SMARCC1: variants seen among roughly 807,000 people sequenced by gnomAD.
SMARCC1 encodes the protein SWI/SNF complex subunit SMARCC1.
A neutral mutation model predicts 147.4 loss-of-function variants in SMARCC1; 43 were observed. That is an observed-to-expected ratio of 0.29 (90% CI 0.23 to 0.38). The LOEUF is 0.38. Among genes scored for constraint, SMARCC1 ranks in the 10% least tolerant of loss-of-function variants. SMARCC1 has a pLI of 1.00. For missense variants in SMARCC1, 1,119 were observed against 1,381.1 expected (o/e 0.81, Z 3.01); for synonymous variants, 495 against 484.4 (o/e 1.02, Z -0.29).
chr3:47,690,259 T>G (rs750497702), intron 12 of SMARCC1, among the ~76,000 whole-genome samples: 1 of 152,098 alleles, frequency 6.6e-6, no homozygotes, highest in Non-Finnish European at 1.5e-5. Context: ...ACCAACACTT[T>G]TGGTGGCTGG....
intron 23 of SMARCC1, 22 bp downstream of exon 23, chr3:47,635,990 ATAATAATATC>A (rs1446040873): frequency 1.9e-6 from 2 of 1,029,566 alleles, no homozygotes; most frequent in Non-Finnish European, 3.0e-6. Flanking sequence ...ACAGTTTTAC[ATAATAATATC>A]TAAGGAGTTT....
intron 27 of SMARCC1, among the ~76,000 whole-genome samples, chr3:47,588,606 A>C (rs2032117678): frequency 6.6e-6 from 1 of 151,744 alleles, no homozygotes; most frequent in African/African-American, 2.4e-5. Flanking sequence ...TCAGAAGTTA[A>C]TTTTGATTGC....
intron 26 of SMARCC1, among the ~76,000 whole-genome samples, chr3:47,593,442 G>T (rs953136367): frequency 1.3e-5 from 2 of 152,122 alleles, no homozygotes; most frequent in African/African-American, 4.8e-5. Flanking sequence ...AAAGTGCTGG[G>T]ATTACAGGCG....
At chr3:47,738,171 G>T in intron 3 of SMARCC1, 61 bp from the exon 4 acceptor site, 1 of 1,158,484 alleles carries the variant, frequency 8.6e-7, no homozygotes, top group South Asian at 1.5e-5. Flanking sequence ...ATGAAAACTT[G>T]GTTTTAGAAT....
intron 2 of SMARCC1, 60 bp from the exon 3 acceptor site, chr3:47,746,053 C>T (rs1330890908): frequency 1.9e-6 from 2 of 1,055,572 alleles, no homozygotes; most frequent in African/African-American, 3.3e-5. Context: ...TTACTCATGT[C>T]TTAATTCTAA....
At chr3:47,723,092 T>C (rs960951212) in intron 6 of SMARCC1, among the ~76,000 whole-genome samples, 1 of 152,166 alleles carries the variant, frequency 6.6e-6, no homozygotes, top group Non-Finnish European at 1.5e-5. Flanking sequence ...CGGTTACAGC[T>C]ATATACTCAG....
In SMARCC1 at chr3:47,701,418, A is replaced by G; in HGVS notation, c.1041-16T>C. On this transcript the variant is annotated splice_polypyrimidine_tract_variant and intron_variant, in intron 10 of 27. Coordinates refer to ENST00000254480, the MANE Select transcript of SMARCC1 (RefSeq NM_003074.4). ...GCTAGCTTGGCTAAAACATACAAGT[A>G]TATGAAATATAAACAAGACTGATTA... The G allele has an allele frequency of 6.2e-7, 1 of 1,611,784 alleles. No individual in the cohort carries two copies. The highest frequency in any genetic ancestry group is 1.3e-5 in the African/African-American group (1 of 75,018).
chr3:47,680,211 G>C (rs1490348989), intron 15 of SMARCC1: 1 of 431,118 alleles, frequency 2.3e-6, no homozygotes, highest in East Asian at 5.2e-5. Flanking sequence ...AACAGAGTGA[G>C]ACCCTGTCTC....
At chr3:47,624,103 A>G (rs2032774344) in intron 24 of SMARCC1, among the ~76,000 whole-genome samples, 1 of 152,048 alleles carries the variant, frequency 6.6e-6, no homozygotes, top group Admixed American at 6.6e-5. Context: ...CAGCCCGGCC[A>G]ACACAGCAAA....
At chr3:47,698,974 T>C (rs781149385) in intron 11 of SMARCC1, among the ~76,000 whole-genome samples, 1 of 152,112 alleles carries the variant, frequency 6.6e-6, no homozygotes, top group African/African-American at 2.4e-5. Context: ...AACAACTAAA[T>C]ACCTATGTGG....
intron 8 of SMARCC1, among the ~76,000 whole-genome samples, chr3:47,712,641 T>C (rs1247658407): frequency 7.2e-6 from 1 of 139,454 alleles, no homozygotes; most frequent in African/African-American, 2.5e-5. Flanking sequence ...ATCAGAAAAC[T>C]TGGGCAAACA....
At chr3:47,725,715 G>C (rs570424647) in intron 6 of SMARCC1, among the ~76,000 whole-genome samples, 12 of 150,982 alleles carry the variant, frequency 7.9e-5, no homozygotes, top group African/African-American at 2.7e-4. Flanking sequence ...GCATCCCAAA[G>C]TGCTGGGATT....
At chr3:47,728,171 C>T (rs2034323526) in intron 6 of SMARCC1, among the ~76,000 whole-genome samples, 1 of 141,730 alleles carries the variant, frequency 7.1e-6, no homozygotes, top group Admixed American at 7.5e-5. Context: ...ACTGCAACCT[C>T]CATATCCCAG....
Position 47,610,113 on chromosome 3 carries a change from T to C in SMARCC1, c.2996A>G (p.Tyr999Cys), listed in dbSNP as rs1257443647. ...GMMPHQQPPP[Y>C]PLMHHQMPPP... ...TGGCATCTGGTGGTGCATCAGAGGG[T>C]AGGGAGGGGGCTGTTGATGAGGCAT... The change falls in exon 26 of 28, where the codon TAC becomes TGC. Residue 999 changes from tyrosine to cysteine, a missense_variant. Tyr to Cys is a radical substitution (Grantham distance 194). Transcript: ENST00000254480. 6.2e-7 allele frequency: 1 copy of C among 1,612,960 alleles called. No individual in the cohort carries two copies. The highest frequency in any genetic ancestry group is 1.3e-5 in the African/African-American group (1 of 74,906).
intron 7 of SMARCC1, among the ~76,000 whole-genome samples, chr3:47,718,854 A>C (rs1169789165): frequency 6.6e-6 from 1 of 152,114 alleles, no homozygotes; most frequent in Non-Finnish European, 1.5e-5. Context: ...TAGTACAAAC[A>C]ATGTTATCCC....
chr3:47,755,424 G>A lies in SMARCC1; in HGVS notation c.316-9431C>T, dbSNP rs1477029133. ...AGGCAGGAGAATGGCGTGAACCCGG[G>A]AGGCAGAGCTTGCAGTGAGCTGAGA... On this transcript the variant is annotated intron_variant, in intron 2 of 27. Transcript: ENST00000254480. Among the ~76,000 whole-genome samples the A allele has an allele frequency of 8.0e-5, 12 of 149,658 alleles. No homozygotes were observed. The South Asian group carries it at 8.5e-4, about 11-fold the overall frequency.
chr3:47,684,315 A>G (rs1158187752), intron 14 of SMARCC1, among the ~76,000 whole-genome samples: 1 of 152,072 alleles, frequency 6.6e-6, no homozygotes, highest in African/African-American at 2.4e-5. Context: ...TGCTTGCTGT[A>G]AAAATCAGAG....
intron 26 of SMARCC1, among the ~76,000 whole-genome samples, chr3:47,609,025 T>C (rs1011998963): frequency 1.9e-4 from 29 of 152,020 alleles, no homozygotes; most frequent in Non-Finnish European, 3.8e-4. Flanking sequence ...CTTCAACACA[T>C]AAATGGCACA....
In SMARCC1 at chr3:47,680,449, T is replaced by C. The variant is rs2033628816; in HGVS notation, c.1445A>G (p.Lys482Arg). 8 of 1,611,054 alleles carry C rather than the reference T, an allele frequency of 5.0e-6. No individual in the cohort carries two copies. Among genetic ancestry groups the C allele is most frequent in the Non-Finnish European group, 6.8e-6 (8 of 1,177,920 alleles). The change falls in exon 15 of 28, where the codon AAG (lysine) becomes AGG (arginine). Residue 482 changes from lysine (K) to arginine (R), a missense_variant. Around this residue, in one of 6 missense-constraint regions of SMARCC1, gnomAD observed 542 missense variants for 611.8 expected, o/e 0.89. Coordinates refer to ENST00000254480, the MANE Select transcript of SMARCC1 (RefSeq NM_003074.4). ...ACACTGGCCTCACATTTCTGGAGTC[T>C]TGGATTTGTTTTTTCCATTGAAGAA... ...PEFFNGKNKS[K>R]TPEIYLAYRN... is the part of the protein sequence containing the mutation.
Sources: gnomAD v4.1 joint callset for allele counts (sites outside exome capture counted in the v4.1 genomes callset) on GRCh38, gnomAD v4.1.1 for gene constraint, gnomAD v4.1.1 regional missense constraint, MANE v1.5 for transcripts, NCBI Gene and HGNC (gene_info 2026-07-23, HGNC 2026-07-21) for gene names.